DIP2C: variants seen among roughly 807,000 people sequenced by gnomAD.
The protein encoded by DIP2C is disco-interacting protein 2 homolog C.
Under a neutral mutation model 192.4 loss-of-function variants are expected in DIP2C, and 33 were observed. That is an observed-to-expected ratio of 0.17 (90% CI 0.13 to 0.23). DIP2C has a LOEUF of 0.23. Among genes scored for constraint, DIP2C ranks in the 10% least tolerant of loss-of-function variants. DIP2C has a pLI of 1.00. For missense variants in DIP2C, 1,537 were observed against 2,110.1 expected, an observed-to-expected ratio of 0.73 and a Z score of 5.32; for synonymous variants, 979 against 864.1, an observed-to-expected ratio of 1.13 and a Z score of -2.33.
At chr10:643,549 C>T (rs1054777383) in intron 1 of DIP2C, among the ~76,000 whole-genome samples, 1 of 152,148 alleles carries the variant, frequency 6.6e-6, no homozygotes, top group African/African-American at 2.4e-5. Flanking sequence ...CACAGAAGCC[C>T]GTGGAACAAG....
chr10:679,461 G>A (rs71494924), intron 1 of DIP2C, among the ~76,000 whole-genome samples: 2 of 50,002 alleles, frequency 4.0e-5, no homozygotes, highest in Non-Finnish European at 7.2e-5. Context: ...CCCTGCACCC[G>A]TCCTCCCCAC....
intron 1 of DIP2C, among the ~76,000 whole-genome samples, chr10:546,167 A>G (rs1848273925): frequency 6.6e-6 from 1 of 152,054 alleles, no homozygotes; most frequent in Admixed American, 6.6e-5. Context: ...CTGTAGTCCC[A>G]GCTACCTGGG....
chr10:670,198 G>A (rs1233078469), intron 1 of DIP2C, among the ~76,000 whole-genome samples: 2 of 151,962 alleles, frequency 1.3e-5, no homozygotes, highest in Admixed American at 1.3e-4. Flanking sequence ...GTACATGTGT[G>A]CACATGTATG....
At chr10:321,012 A>G (rs893028709) in intron 31 of DIP2C, among the ~76,000 whole-genome samples, 2 of 83,632 alleles carry the variant, frequency 2.4e-5, no homozygotes, top group African/African-American at 1.3e-4. Flanking sequence ...TGTCCGGGTT[A>G]TGAAGCAGGA....
chr10:487,638 C>T (rs565892996), intron 1 of DIP2C, among the ~76,000 whole-genome samples: 82 of 121,614 alleles, frequency 6.7e-4, no homozygotes, highest in African/African-American at 2.5e-3. Context: ...AGTGCAGTGG[C>T]GTGATCTCAG....
intron 30 of DIP2C, 45 bp from the exon 31 acceptor site, chr10:327,221 G>GC (rs766721568): frequency 1.3e-6 from 2 of 1,585,026 alleles, no homozygotes; most frequent in Non-Finnish European, 1.7e-6. Flanking sequence ...CACGTGTCGA[G>GC]CTTGGAGTGA....
intron 17 of DIP2C, among the ~76,000 whole-genome samples, chr10:378,113 G>C (rs1961849483): frequency 1.3e-5 from 2 of 152,166 alleles, no homozygotes; most frequent in South Asian, 2.1e-4. Flanking sequence ...TGTCTGATGA[G>C]TTTAGGCACC....
chr10:580,099 G>T (rs146352138), intron 1 of DIP2C, among the ~76,000 whole-genome samples: 1 of 152,090 alleles, frequency 6.6e-6, no homozygotes, highest in African/African-American at 2.4e-5. Flanking sequence ...ATGCACATTT[G>T]TATGTACATA....
In DIP2C at chr10:651,549, T is replaced by C; in HGVS notation, c.85+37945A>G. ...CAAAAAAAGCTTAACTTTGTTTCAG[T>C]GCCTTTCCAGTTAAATGTTGTTAAG... On this transcript the variant is annotated intron_variant, in intron 1 of 36. Coordinates refer to ENST00000280886, the MANE Select transcript of DIP2C (RefSeq NM_014974.3). The surrounding 1 kb of genome is among the most constrained non-coding windows in gnomAD (Gnocchi z 4.1). 1 of 444,298 alleles carries C rather than the reference T, an allele frequency of 2.3e-6. No individual in the cohort carries two copies. The highest frequency in any genetic ancestry group is 2.1e-5 in the South Asian group (1 of 48,654). 27.5% of individuals were successfully genotyped at this position (444,298 alleles called of 1,614,324 possible).
intron 1 of DIP2C, among the ~76,000 whole-genome samples, chr10:682,044 AAATG>A (rs1195970052): frequency 1.3e-5 from 2 of 152,262 alleles, no homozygotes; most frequent in African/African-American, 2.4e-5. Context: ...AATGCTTGTT[AAATG>A]AATGATTCAC....
intron 2 of DIP2C, 99 bp downstream of exon 2, chr10:486,360 C>T (rs1412648852): frequency 4.2e-6 from 5 of 1,204,722 alleles, no homozygotes; most frequent in Non-Finnish European, 5.7e-6. Flanking sequence ...CTCCTCCTGC[C>T]GACTGGGAAG....
At chr10:629,655 C>T (rs955423002) in intron 1 of DIP2C, among the ~76,000 whole-genome samples, 4 of 151,984 alleles carry the variant, frequency 2.6e-5, no homozygotes, top group East Asian at 1.9e-4. Flanking sequence ...CAATCAGGCC[C>T]GGCCTCACTG....
chr10:513,349 G>A (rs1846148166), intron 1 of DIP2C, among the ~76,000 whole-genome samples: 1 of 152,246 alleles, frequency 6.6e-6, no homozygotes, highest in Non-Finnish European at 1.5e-5. Context: ...ATGTAAGCCA[G>A]ATGATCAGTT....
intron 17 of DIP2C, among the ~76,000 whole-genome samples, chr10:375,551 G>T (rs957267919): frequency 2.8e-4 from 43 of 152,194 alleles, no homozygotes; most frequent in African/African-American, 1.0e-3. Context: ...GTACACTATG[G>T]CTTCCATTGA....
rs1226934577 is a variant in DIP2C, at chr10:336,920, GT to G, written c.3584+4278del. On this transcript the variant is annotated intron_variant, in intron 29 of 36. Transcript: ENST00000280886. ...GGTGTGTGTGTGTGTGTGTGTGTGT[GT>G]TGTGGAGGCCTAGACTGGTGTGTGC... 2.6e-3 allele frequency among the ~76,000 whole-genome samples: 183 copies of G among 71,388 alleles called. 2 individuals are homozygous for G. The highest frequency in any genetic ancestry group is 7.8e-3 in the Middle Eastern group (1 of 128). The allele number at this position is 71,388 out of a possible 152,430, so 46.8% of individuals were successfully genotyped here.
At chr10:327,198 C>A (rs753082606) in intron 30 of DIP2C, 22 bp from the exon 31 acceptor site, 1 of 1,607,768 alleles carries the variant, frequency 6.2e-7, no homozygotes. Context: ...GACAGAGAAA[C>A]CGAGTCAGCC....
At chr10:294,930 T>C (rs1955676860) in intron 32 of DIP2C, among the ~76,000 whole-genome samples, 1 of 151,878 alleles carries the variant, frequency 6.6e-6, no homozygotes, top group African/African-American at 2.4e-5. Context: ...GGGATTAATA[T>C]TCAGGATATA....
At chr10:348,903 C>CA in intron 25 of DIP2C, 141 bp from the exon 26 acceptor site, 1 of 1,305,668 alleles carries the variant, frequency 7.7e-7, no homozygotes, top group Non-Finnish European at 1.0e-6. Context: ...GTCATCCTGG[C>CA]GGGTTTTGTC....
chr10:676,829 A>C (rs1406992327), intron 1 of DIP2C, among the ~76,000 whole-genome samples: 2 of 152,124 alleles, frequency 1.3e-5, no homozygotes, highest in Non-Finnish European at 2.9e-5. Flanking sequence ...TAATGGATAC[A>C]AAATTACATC....
Sources: gnomAD v4.1 joint callset for allele counts (sites outside exome capture counted in the v4.1 genomes callset) on GRCh38, gnomAD v4.1.1 for gene constraint, Gnocchi (gnomAD v3.1) non-coding constraint, MANE v1.5 for transcripts, NCBI Gene and HGNC (gene_info 2026-07-23, HGNC 2026-07-21) for gene names.